Variants in UBE2R2 observed in about 807,000 individuals in gnomAD.
UBE2R2 encodes ubiquitin-conjugating enzyme E2 R2.
A neutral mutation model predicts 27.8 loss-of-function variants in UBE2R2; 1 was observed. The ratio of observed to expected loss-of-function variants is 0.04; its 90% confidence interval spans 0.01 to 0.17. UBE2R2 has a LOEUF of 0.17. UBE2R2 is among the 10% of genes least tolerant of loss of function. UBE2R2 has a pLI of 1.00. For missense variants in UBE2R2, 100 were observed against 291.0 expected, an observed-to-expected ratio of 0.34 and a Z score of 4.78; for synonymous variants, 106 against 113.3, an observed-to-expected ratio of 0.94 and a Z score of 0.41.
intron 1 of UBE2R2, among the ~76,000 whole-genome samples, chr9:33,844,406 G>A (rs1802532017): frequency 1.3e-5 from 2 of 151,738 alleles, no homozygotes. Context: ...TCTTCACCAT[G>A]TTGGTCAGGC....
At chr9:33,874,171 C>G (rs1048613913) in intron 1 of UBE2R2, among the ~76,000 whole-genome samples, 1 of 152,016 alleles carries the variant, frequency 6.6e-6, no homozygotes, top group Non-Finnish European at 1.5e-5. Flanking sequence ...TGGTGTTGAA[C>G]TCCTGACTTC....
chr9:33,909,412 C>T (rs374218007), intron 3 of UBE2R2, among the ~76,000 whole-genome samples: 5 of 152,268 alleles, frequency 3.3e-5, no homozygotes, highest in Admixed American at 2.0e-4. Flanking sequence ...CGCTTGAACC[C>T]GGGAGGCGGA....
At chr9:33,849,024 A>G (rs566501575) in intron 1 of UBE2R2, among the ~76,000 whole-genome samples, 1 of 152,108 alleles carries the variant, frequency 6.6e-6, no homozygotes, top group East Asian at 1.9e-4. Context: ...TGGGAGGCCA[A>G]GGAGGGCGGA....
chr9:33,861,916 C>T (rs1264838025), intron 1 of UBE2R2, among the ~76,000 whole-genome samples: 4 of 146,264 alleles, frequency 2.7e-5, no homozygotes, highest in African/African-American at 5.1e-5. Flanking sequence ...TGCAGTGGCA[C>T]GATCTTGGCT....
chr9:33,865,283 G>A (rs545317117), intron 1 of UBE2R2, among the ~76,000 whole-genome samples: 15 of 151,676 alleles, frequency 9.9e-5, no homozygotes, highest in African/African-American at 1.7e-4. Flanking sequence ...CTCACTCACC[G>A]CAACCTCCAC....
At chr9:33,916,887 C>G in intron 4 of UBE2R2, 131 bp from the exon 5 acceptor site, 1 of 1,383,344 alleles carries the variant, frequency 7.2e-7, no homozygotes, top group Non-Finnish European at 9.6e-7. Context: ...GGGTATCTGT[C>G]AGATGCTTTC....
chr9:33,871,788 G>T (rs561216230), intron 1 of UBE2R2, among the ~76,000 whole-genome samples: 12 of 152,106 alleles, frequency 7.9e-5, no homozygotes, highest in African/African-American at 2.7e-4. Context: ...TTGGCTCACC[G>T]CAACCTCCAC....
chr9:33,815,616 A>G (rs554951497), upstream of UBE2R2, among the ~76,000 whole-genome samples: 22 of 152,258 alleles, frequency 1.4e-4, no homozygotes, highest in South Asian at 4.6e-3. Flanking sequence ...ATGGCTGTGC[A>G]CACCTGTGGT....
chr9:33,835,949 G>A (rs949546700), intron 1 of UBE2R2, among the ~76,000 whole-genome samples: 9 of 152,178 alleles, frequency 5.9e-5, no homozygotes, highest in South Asian at 2.1e-4. Context: ...GTGTGATTTC[G>A]TTTTAAGCTA....
intron 1 of UBE2R2, among the ~76,000 whole-genome samples, chr9:33,856,839 G>A (rs1821113122): frequency 6.9e-6 from 1 of 145,542 alleles, no homozygotes; most frequent in African/African-American, 2.6e-5. Context: ...CCGTCTGTCC[G>A]TCCTTCCATC....
chr9:33,858,384 G>C lies in UBE2R2; in HGVS notation c.178-28497G>C, dbSNP rs1821153909. Among the ~76,000 whole-genome samples the C allele has an allele frequency of 2.0e-5, 3 of 152,242 alleles. No homozygotes were observed. The South Asian group carries it at 6.2e-4, about 32-fold the overall frequency. ...TATTTTGTTAAGCACTTGGTTCTTT[G>C]AATATTTGTAATCTATAATAGAGTA... On this transcript the variant is annotated intron_variant, in intron 1 of 4. Coordinates refer to ENST00000263228, the MANE Select transcript of UBE2R2 (RefSeq NM_017811.4).
At chr9:33,816,706 G>C (rs375376642), upstream of UBE2R2, among the ~76,000 whole-genome samples, 21 of 152,336 alleles carry the variant, frequency 1.4e-4, 2 homozygotes, top group African/African-American at 4.6e-4. Context: ...TAAGTGGAGG[G>C]ACCGCAGACT....
intron 1 of UBE2R2, among the ~76,000 whole-genome samples, chr9:33,828,754 A>G (rs1377943128): frequency 2.9e-5 from 4 of 139,376 alleles, no homozygotes; most frequent in African/African-American, 5.5e-5. Flanking sequence ...TTTTTTTGAG[A>G]TGGAGTTTTG....
At chr9:33,888,580 C>T (rs1456613351) in intron 2 of UBE2R2, among the ~76,000 whole-genome samples, 3 of 152,054 alleles carry the variant, frequency 2.0e-5, no homozygotes, top group East Asian at 1.9e-4. Flanking sequence ...TGCAGTGGTG[C>T]GATTTCAGCT....
In UBE2R2 at chr9:33,902,960, A is replaced by T. The variant is rs538368334; in HGVS notation, c.362+2689A>T. Among the ~76,000 whole-genome samples the T allele has an allele frequency of 2.6e-5, 4 of 152,184 alleles. No individual in the cohort carries two copies. In the East Asian group the frequency reaches 7.8e-4, roughly 30 times the overall value. On this transcript the variant is annotated intron_variant, in intron 3 of 4. Coordinates refer to ENST00000263228, the MANE Select transcript of UBE2R2 (RefSeq NM_017811.4). Reference sequence around the variant, plus strand: ...ACTAAAAATACAAAATTAGCTGGGCATGGTGGCACCTGCCTGTAATCCCAG... The same window carrying T: ...ACTAAAAATACAAAATTAGCTGGGCTTGGTGGCACCTGCCTGTAATCCCAG...
intron 3 of UBE2R2, 38 bp downstream of exon 3, chr9:33,900,309 C>T: frequency 6.9e-7 from 1 of 1,453,384 alleles, no homozygotes; most frequent in Non-Finnish European, 9.6e-7. Context: ...TTCTTAATCT[C>T]CTTATTGTCT....
intron 1 of UBE2R2, among the ~76,000 whole-genome samples, chr9:33,837,108 A>C (rs1406492025): frequency 6.6e-6 from 1 of 152,152 alleles, no homozygotes; most frequent in East Asian, 1.9e-4. Context: ...GAATTATTTC[A>C]AGATATTTTC....
chr9:33,831,234 G>C (rs1461436786), intron 1 of UBE2R2, among the ~76,000 whole-genome samples: 1 of 151,974 alleles, frequency 6.6e-6, no homozygotes, highest in Non-Finnish European at 1.5e-5. Context: ...TTGAGCCCAG[G>C]AGTTCAAGAC....
intron 1 of UBE2R2, among the ~76,000 whole-genome samples, chr9:33,853,055 A>G (rs1209749776): frequency 6.6e-6 from 1 of 152,162 alleles, no homozygotes; most frequent in Non-Finnish European, 1.5e-5. Context: ...AGGAAAAAAA[A>G]GCAGTTAAGA....
Sources: gnomAD v4.1 joint callset for allele counts (sites outside exome capture counted in the v4.1 genomes callset) on GRCh38, gnomAD v4.1.1 for gene constraint, MANE v1.5 for transcripts, NCBI Gene and HGNC (gene_info 2026-07-23, HGNC 2026-07-21) for gene names.